Variants in EML6 observed in about 807,000 individuals in gnomAD.
The protein encoded by EML6 is EMAP like 6.
In EML6, 154 loss-of-function variants were observed where a neutral mutation model predicts 240.1. That is an observed-to-expected ratio of 0.64 (90% CI 0.56 to 0.73). The LOEUF (loss-of-function observed/expected upper bound fraction) is 0.73, where lower values mean the gene tolerates loss of function less well. EML6 is among the 30% of genes least tolerant of loss of function. EML6 has a pLI of 0.00. For missense variants in EML6, 2,964 were observed against 2,474.6 expected (o/e 1.20, Z -4.20); for synonymous variants, 1,148 against 899.0 (o/e 1.28, Z -4.95).
chr2:54,864,086 A>C (rs6545450), intron 13 of EML6, among the ~76,000 whole-genome samples, 197 bp downstream of exon 13: 43,837 of 152,132 alleles, frequency 0.29, 6,967 homozygotes, highest in African/African-American at 0.42. Context: ...AATTTATTTC[A>C]GCAGAAAGTA....
chr2:54,747,553 A>T (rs887140226), intron 2 of EML6: 2 of 152,240 alleles, frequency 1.3e-5, no homozygotes, highest in Non-Finnish European at 2.9e-5. Context: ...CTTACTTATC[A>T]CTAGGCTAGG....
At chr2:54,860,029 GAA>G (rs1477158663) in intron 12 of EML6, among the ~76,000 whole-genome samples, 1 of 152,192 alleles carries the variant, frequency 6.6e-6, no homozygotes, top group Non-Finnish European at 1.5e-5. Flanking sequence ...CTCTCTGAGA[GAA>G]AGTCATACAA....
At chr2:54,927,225 C>T (rs538528919) in intron 26 of EML6, among the ~76,000 whole-genome samples, 15 of 152,306 alleles carry the variant, frequency 9.8e-5, no homozygotes, top group East Asian at 5.8e-4. Flanking sequence ...TGGGCAGTTC[C>T]GCTCTGCCAT....
chr2:54,887,890 A>T (rs1381638684), intron 17 of EML6, among the ~76,000 whole-genome samples: 2 of 152,190 alleles, frequency 1.3e-5, no homozygotes, highest in East Asian at 3.9e-4. Context: ...TACATTTGTT[A>T]CAATTCATGA....
chr2:54,871,712 C>T, intron 16 of EML6, 107 bp downstream of exon 16: 2 of 787,074 alleles, frequency 2.5e-6, no homozygotes, highest in South Asian at 1.6e-5. Context: ...TTTAAACATG[C>T]TCCCACTTAG....
At chr2:54,834,137 G>A (rs766409079) in intron 7 of EML6, among the ~76,000 whole-genome samples, 2 of 152,154 alleles carry the variant, frequency 1.3e-5, no homozygotes, top group East Asian at 3.8e-4. Flanking sequence ...CACCCTGGAT[G>A]TAAGGCGGCG....
At chr2:54,878,015 A>T (rs1005775604) in intron 16 of EML6, among the ~76,000 whole-genome samples, 7 of 152,234 alleles carry the variant, frequency 4.6e-5, no homozygotes, top group African/African-American at 7.2e-5. Flanking sequence ...GATTAAGCCA[A>T]CAAAATTTTA....
rs976502270 is a variant in EML6, at chr2:54,921,065, ACTTTTC to A, written c.3675+4135_3675+4140del. Among the ~76,000 whole-genome samples the A allele has an allele frequency of 1.3e-4, 20 of 152,226 alleles. 1 individual carries two copies. In the East Asian group the frequency reaches 1.4e-3, roughly 10 times the overall value. ...CATGCTCAATGATGAAAAGCCGAAA[ACTTTTC>A]CTTTAAGATAAGGAACAAGACAAGG... On this transcript the variant is annotated intron_variant, in intron 26 of 41. Coordinates refer to ENST00000356458, the MANE Select transcript of EML6 (RefSeq NM_001039753.4).
intron 2 of EML6, among the ~76,000 whole-genome samples, chr2:54,782,506 T>C (rs1423696780): frequency 6.6e-6 from 1 of 152,222 alleles, no homozygotes; most frequent in African/African-American, 2.4e-5. Context: ...TTCTTAGATC[T>C]TGTTCTTTCT....
At chr2:54,945,794 G>T (rs988138960) in intron 28 of EML6, among the ~76,000 whole-genome samples, 2 of 152,242 alleles carry the variant, frequency 1.3e-5, no homozygotes, top group Non-Finnish European at 2.9e-5. Context: ...GCAAGAGCCC[G>T]TGTCAGGATA....
At chr2:54,817,387 G>T (rs1668127471) in intron 4 of EML6, among the ~76,000 whole-genome samples, 1 of 152,020 alleles carries the variant, frequency 6.6e-6, no homozygotes, top group African/African-American at 2.4e-5. Flanking sequence ...GGATGAAGGG[G>T]GTATATACAT....
intron 17 of EML6, among the ~76,000 whole-genome samples, chr2:54,889,562 GTCCTC>G (rs1672348116): frequency 6.6e-6 from 1 of 151,376 alleles, no homozygotes; most frequent in South Asian, 2.1e-4. Context: ...TATAAATAGA[GTCCTC>G]TCCTCCATTA....
chr2:54,941,729 C>A (rs1352147091), intron 28 of EML6, among the ~76,000 whole-genome samples: 1 of 152,188 alleles, frequency 6.6e-6, no homozygotes. Flanking sequence ...TTAAGCTGAG[C>A]CCAGCTCTCC....
intron 7 of EML6, among the ~76,000 whole-genome samples, chr2:54,834,170 C>T (rs1325537005): frequency 1.3e-5 from 2 of 152,112 alleles, no homozygotes; most frequent in East Asian, 3.9e-4. Flanking sequence ...GGGGAGAACT[C>T]CCTCACTTCA....
At chr2:54,891,667 C>T (rs1672473873) in intron 18 of EML6, among the ~76,000 whole-genome samples, 1 of 152,192 alleles carries the variant, frequency 6.6e-6, no homozygotes, top group Non-Finnish European at 1.5e-5. Context: ...ACTAATAAGT[C>T]AGACTTAATA....
intron 2 of EML6, among the ~76,000 whole-genome samples, chr2:54,795,082 T>C (rs1424333459): frequency 6.6e-6 from 1 of 152,194 alleles, no homozygotes; most frequent in Non-Finnish European, 1.5e-5. Context: ...CTAGATTGGT[T>C]TTGCTTTAAC....
chr2:54,896,431 A>G (rs140404391), intron 21 of EML6, among the ~76,000 whole-genome samples: 1 of 152,316 alleles, frequency 6.6e-6, no homozygotes, highest in African/African-American at 2.4e-5. Flanking sequence ...AAATTGAACT[A>G]AAATAAATGT....
At chr2:54,815,281 C>G (rs898967277) in intron 3 of EML6, among the ~76,000 whole-genome samples, 5 of 152,090 alleles carry the variant, frequency 3.3e-5, no homozygotes, top group Non-Finnish European at 5.9e-5. Flanking sequence ...GAGAAATAAC[C>G]TCTTGTATGT....
intron 28 of EML6, among the ~76,000 whole-genome samples, chr2:54,947,790 G>A (rs1675763179): frequency 6.6e-6 from 1 of 152,182 alleles, no homozygotes; most frequent in Non-Finnish European, 1.5e-5. Flanking sequence ...TGCAGAGTTT[G>A]CCCAGAGACG....
Sources: gnomAD v4.1 joint callset for allele counts (sites outside exome capture counted in the v4.1 genomes callset) on GRCh38, gnomAD v4.1.1 for gene constraint, MANE v1.5 for transcripts, NCBI Gene and HGNC (gene_info 2026-07-23, HGNC 2026-07-21) for gene names.